Variants in EYS observed in about 807,000 individuals in gnomAD.
EYS encodes EGF-like photoreceptor maintenance factor.
Under a neutral mutation model 282.1 loss-of-function variants are expected in EYS, and 250 were observed. The ratio of observed to expected loss-of-function variants is 0.89; its 90% CI spans 0.80 to 0.98. The LOEUF is 0.98. EYS is among the 50% of genes least tolerant of loss of function. The pLI is 0.00. For missense variants in EYS, 4,016 were observed against 3,709.0 expected, an observed-to-expected ratio of 1.08 and a Z score of -2.15; for synonymous variants, 1,355 against 1,282.9, an observed-to-expected ratio of 1.06 and a Z score of -1.20.
intron 5 of EYS, among the ~76,000 whole-genome samples, chr6:65,483,782 C>T (rs1263312810): frequency 6.6e-6 from 1 of 152,092 alleles, no homozygotes; most frequent in African/African-American, 2.4e-5. Context: ...TACAGTTCCA[C>T]GTGGCTGGGG....
At position 64,064,407 on chromosome 6, in the gene EYS, C is replaced by T. The variant is rs182907339; in HGVS notation, c.6725+1931G>A. On this transcript the variant is annotated intron_variant, in intron 33 of 42. Transcript: ENST00000503581. ...AGAGCATGCTTAGCAGATGAGCACT[C>T]AACAGTTTTAAATTAATGATATATA... Among the ~76,000 whole-genome samples, 148 of 152,180 alleles carry T rather than the reference C, an allele frequency of 9.7e-4. 3 individuals are homozygous for T. The highest frequency in any genetic ancestry group is 2.1e-4 in the Non-Finnish European group (14 of 68,002).
chr6:65,134,370 A>T (rs901535352), intron 12 of EYS, among the ~76,000 whole-genome samples: 1 of 152,110 alleles, frequency 6.6e-6, no homozygotes, highest in Non-Finnish European at 1.5e-5. Flanking sequence ...GACAGATTGG[A>T]TAAAGAAAAT....
intron 12 of EYS, among the ~76,000 whole-genome samples, chr6:65,262,441 G>C (rs755141301): frequency 2.0e-5 from 3 of 151,970 alleles, no homozygotes; most frequent in Non-Finnish European, 2.9e-5. Flanking sequence ...CCAGAAACAC[G>C]TTAACTCATT....
At chr6:63,926,511 C>T (rs982235799) in intron 35 of EYS, among the ~76,000 whole-genome samples, 6 of 152,128 alleles carry the variant, frequency 3.9e-5, no homozygotes, top group Admixed American at 3.3e-4. Context: ...AACAGCACTC[C>T]TAATGGCAGG....
intron 26 of EYS, among the ~76,000 whole-genome samples, chr6:64,522,035 C>T (rs1777756713): frequency 6.6e-6 from 1 of 151,672 alleles, no homozygotes. Flanking sequence ...AGTAAGCAGT[C>T]CTTTATCTCT....
chr6:65,211,903 A>C (rs2150252588), intron 12 of EYS, among the ~76,000 whole-genome samples: 1 of 152,142 alleles, frequency 6.6e-6, no homozygotes, highest in Middle Eastern at 3.4e-3. Context: ...AGTAGGTTAA[A>C]ATTTCATCCA....
chr6:65,296,323 T>G (rs892465522), intron 11 of EYS, among the ~76,000 whole-genome samples: 3 of 151,964 alleles, frequency 2.0e-5, no homozygotes, highest in Non-Finnish European at 4.4e-5. Context: ...TGAGTGAAAA[T>G]AACTTTGGTG....
chr6:64,345,019 A>C (rs540225546), intron 29 of EYS, among the ~76,000 whole-genome samples: 8 of 152,252 alleles, frequency 5.3e-5, no homozygotes, highest in Admixed American at 3.9e-4. Flanking sequence ...TTCAAGGAGA[A>C]CTACAAACCG....
chr6:64,530,355 T>A (rs2150531172), intron 26 of EYS, among the ~76,000 whole-genome samples: 1 of 152,148 alleles, frequency 6.6e-6, no homozygotes, highest in Non-Finnish European at 1.5e-5. Context: ...TAATAAAATA[T>A]CTTTATTTCT....
intron 30 of EYS, among the ~76,000 whole-genome samples, chr6:64,299,399 T>A (rs1406650431): frequency 2.0e-5 from 3 of 152,252 alleles, no homozygotes; most frequent in Non-Finnish European, 4.4e-5. Flanking sequence ...ACTCTTTCAC[T>A]GAATATCAGT....
At chr6:64,065,303 A>T (rs765970991) in intron 33 of EYS, among the ~76,000 whole-genome samples, 2 of 152,188 alleles carry the variant, frequency 1.3e-5, no homozygotes, top group Non-Finnish European at 2.9e-5. Flanking sequence ...AACTTATCTA[A>T]TTGTCATTTT....
intron 31 of EYS, among the ~76,000 whole-genome samples, chr6:64,154,535 A>C (rs1036431705): frequency 2.6e-5 from 4 of 151,976 alleles, no homozygotes; most frequent in Non-Finnish European, 4.4e-5. Flanking sequence ...AATATAGCAA[A>C]ATTTAGAAAT....
chr6:65,339,935 C>T (rs982383716), intron 10 of EYS, among the ~76,000 whole-genome samples: 6 of 150,868 alleles, frequency 4.0e-5, no homozygotes, highest in African/African-American at 1.5e-4. Flanking sequence ...AAAGTACATC[C>T]TATAAGAAAA....
chr6:65,649,221 T>C (rs1218232780), intron 1 of EYS, among the ~76,000 whole-genome samples: 1 of 151,968 alleles, frequency 6.6e-6, no homozygotes, highest in Non-Finnish European at 1.5e-5. Flanking sequence ...CTATTTTCTA[T>C]GATTTCCTTT....
At chr6:65,035,606 A>G (rs376306316) in intron 13 of EYS, among the ~76,000 whole-genome samples, 4 of 152,146 alleles carry the variant, frequency 2.6e-5, no homozygotes, top group East Asian at 1.9e-4. Context: ...AAAAAAAACT[A>G]GAAATACAGC....
chr6:64,154,828 G>GT (rs1202600579), intron 31 of EYS, among the ~76,000 whole-genome samples: 4 of 151,976 alleles, frequency 2.6e-5, no homozygotes, highest in African/African-American at 9.7e-5. Context: ...TGAGGTGTGT[G>GT]TTTTTTTCTT....
chr6:63,901,602 GAA>G (rs1773660697), intron 35 of EYS, among the ~76,000 whole-genome samples: 1 of 152,098 alleles, frequency 6.6e-6, no homozygotes, highest in Admixed American at 6.5e-5. Context: ...TAAATCCAAA[GAA>G]AAAAACTTGA....
At chr6:64,316,424 C>G (rs1166883075) in intron 29 of EYS, among the ~76,000 whole-genome samples, 1 of 152,004 alleles carries the variant, frequency 6.6e-6, no homozygotes, top group South Asian at 2.1e-4. Flanking sequence ...ACACTAATAA[C>G]AGACAAATAG....
intron 29 of EYS, among the ~76,000 whole-genome samples, chr6:64,324,426 G>A (rs1206262825): frequency 2.6e-5 from 4 of 152,042 alleles, no homozygotes; most frequent in Admixed American, 6.6e-5. Flanking sequence ...TCTCATAAAA[G>A]CCAACATGCC....
Sources: allele counts gnomAD v4.1 joint callset (sites outside exome capture counted in the v4.1 genomes callset), GRCh38; gene constraint gnomAD v4.1.1; transcripts MANE v1.5; gene names NCBI Gene and HGNC (gene_info 2026-07-23, HGNC 2026-07-21).